The following GFM2 variants were observed in gnomAD, a reference collection of about 807,000 sequenced individuals.
The protein encoded by GFM2 is ribosome-releasing factor 2, mitochondrial.
A neutral mutation model predicts 95.4 loss-of-function variants in GFM2; 72 were observed. The observed-to-expected ratio is 0.76, with a 90% CI of 0.62 to 0.92. The LOEUF (loss-of-function observed/expected upper bound fraction) is 0.92, where lower values mean the gene tolerates loss of function less well. GFM2 is among the 40% of genes least tolerant of loss of function. The pLI is 0.00. For missense variants in GFM2, 825 were observed against 924.1 expected (o/e 0.89, Z 1.39); for synonymous variants, 276 against 317.5 (o/e 0.87, Z 1.39).
At chr5:74,727,703 ATTTCC>A (rs1461648219) in intron 17 of GFM2, among the ~76,000 whole-genome samples, 1 of 151,932 alleles carries the variant, frequency 6.6e-6, no homozygotes, top group Non-Finnish European at 1.5e-5. Flanking sequence ...TTTTTTGACC[ATTTCC>A]TCTCTCACAC....
chr5:74,721,867 G>A, intron 20 of GFM2, 84 bp from the exon 21 acceptor site: 1 of 1,349,062 alleles, frequency 7.4e-7, no homozygotes, highest in Non-Finnish European at 1.0e-6. Context: ...TGACTATTAG[G>A]GAAAAGTGAT....
rs1207512010 is a variant in GFM2, at chr5:74,722,515, A to G, written c.2075T>C (p.Leu692Pro). The change falls in exon 20 of 21, where the codon CTT becomes CCT. Residue 692 changes from leucine (L) to proline (P), a missense_variant. Leu to Pro is a moderately conservative substitution (Grantham distance 98). Coordinates refer to ENST00000296805, the MANE Select transcript of GFM2 (RefSeq NM_032380.5). Reference sequence around the variant, plus strand: ...ATAATCTCTAGCTACTGTAACCTCAAGATTCATCAGAGGCTCCAAAACTTG... The same window carrying G: ...ATAATCTCTAGCTACTGTAACCTCAGGATTCATCAGAGGCTCCAAAACTTG... Reference protein sequence around the residue: ...DKQVLEPLMNLEVTVARDYLS... With the variant: ...DKQVLEPLMNPEVTVARDYLS... 1.9e-6 allele frequency: 3 copies of G among 1,613,962 alleles called. No individual in the cohort carries two copies. Among genetic ancestry groups the G allele is most frequent in the South Asian group, 1.1e-5 (1 of 91,050 alleles).
In GFM2 at chr5:74,730,358, A is replaced by G; in HGVS notation, c.1628T>C (p.Ile543Thr). 5 of 1,612,174 alleles carry G rather than the reference A, an allele frequency of 3.1e-6. No individual in the cohort carries two copies. The highest frequency in any genetic ancestry group is 4.2e-6 in the Non-Finnish European group (5 of 1,178,376). ...ATATTCCCTCTTGATTCGATCATGA[A>G]TAATCTCTATATGTAACTCCCCCAT... The part of the protein sequence containing the change: ...CGMGELHIEI[I>T]HDRIKREYGL... The change falls in exon 17 of 21, where the codon ATT (isoleucine) becomes ACT (threonine). Residue 543 changes from isoleucine to threonine, a missense_variant. Coordinates refer to ENST00000296805, the MANE Select transcript of GFM2 (RefSeq NM_032380.5).
intron 15 of GFM2, chr5:74,733,311 C>T (rs1426339926): frequency 2.3e-5 from 8 of 348,310 alleles, no homozygotes; most frequent in Admixed American, 4.5e-5. Context: ...GGCAACATGG[C>T]GAAACCCCGT....
chr5:74,731,662 A>T (rs1561239263), intron 16 of GFM2, among the ~76,000 whole-genome samples: 1 of 152,226 alleles, frequency 6.6e-6, no homozygotes. Flanking sequence ...ACTTTAAGTT[A>T]AAAAGTGAAC....
chr5:74,732,128 A>ATTTTTTTTT (rs533165001), intron 16 of GFM2, among the ~76,000 whole-genome samples: 16 of 85,436 alleles, frequency 1.9e-4, no homozygotes, highest in African/African-American at 3.3e-4. Flanking sequence ...CTAATTTTTA[A>ATTTTTTTTT]TTTTTTTTTT....
At chr5:74,727,058 C>T (rs1291841780) in intron 17 of GFM2, among the ~76,000 whole-genome samples, 1 of 152,084 alleles carries the variant, frequency 6.6e-6, no homozygotes, top group African/African-American at 2.4e-5. Context: ...GTCCTAGCTA[C>T]TTGGGAGACT....
intron 7 of GFM2, among the ~76,000 whole-genome samples, chr5:74,749,994 T>C (rs1024665100): frequency 1.3e-5 from 2 of 152,156 alleles, no homozygotes; most frequent in Non-Finnish European, 2.9e-5. Context: ...AGGGTGAATA[T>C]CATAAATTTT....
intron 4 of GFM2, 53 bp downstream of exon 4, chr5:74,759,316 T>C: frequency 9.6e-7 from 1 of 1,046,006 alleles, no homozygotes. Context: ...AGAAAAAACC[T>C]GTAAATTTTC....
Position 74,721,312 on chromosome 5 carries a change from AT to A in GFM2, c.*342del. The A allele has an allele frequency of 1.2e-6, 1 of 811,958 alleles. No homozygotes were observed. The highest frequency in any genetic ancestry group is 2.1e-6 in the Non-Finnish European group (1 of 472,808). 50.3% of individuals were successfully genotyped at this position (811,958 alleles called of 1,614,324 possible). ...AACCTTTGACCCTCTATCTTATTAC[AT>A]TTAGAGGCCTGGCATCTTTCTTGTG... On this transcript the variant is annotated 3_prime_UTR_variant, in exon 21 of 21. Coordinates refer to ENST00000296805, the MANE Select transcript of GFM2 (RefSeq NM_032380.5).
At position 74,766,637 on chromosome 5, in the gene GFM2, C is replaced by T. The variant is rs1744633388; in HGVS notation, c.-25+301G>A. Among the ~76,000 whole-genome samples the T allele has an allele frequency of 2.0e-5, 3 of 152,330 alleles. No homozygotes were observed. The South Asian group carries it at 6.2e-4, about 32-fold the overall frequency. On this transcript the variant is annotated intron_variant, in intron 1 of 20. Coordinates refer to ENST00000296805, the MANE Select transcript of GFM2 (RefSeq NM_032380.5). The stretch of plus-strand genomic sequence containing the variant: ...CTCCAAAAAACCAGAATGTTATCTT[C>T]TTCTTTTCTAACAGCTGCAAAGCCC...
rs774544255 is a variant in GFM2 at position 74,747,792 on chromosome 5, A to G, written c.520-12T>C. The G allele has an allele frequency of 6.6e-7, 1 of 1,518,156 alleles. No individual in the cohort carries two copies. The highest frequency in any genetic ancestry group is 9.1e-7 in the Non-Finnish European group (1 of 1,097,280). 94.0% of individuals were successfully genotyped at this position (1,518,156 alleles called of 1,614,324 possible). On this transcript the variant is annotated splice_polypyrimidine_tract_variant and intron_variant, in intron 7 of 20. Transcript: ENST00000296805. Reference sequence around the variant, plus strand: ...GTGAGAGTCTGGGCCTAAAGCAAAGATGAGGAAAAAAATACATACTGAACA... The same window carrying G: ...GTGAGAGTCTGGGCCTAAAGCAAAGGTGAGGAAAAAAATACATACTGAACA...
In GFM2 at chr5:74,721,330, T is replaced by C. The variant is rs1341836279; in HGVS notation, c.*325A>G. ...TTATTACATTTAGAGGCCTGGCATC[T>C]TTCTTGTGAGACAAGCTTAAGGACA... is the stretch of plus-strand genomic sequence containing the variant. On this transcript the variant is annotated 3_prime_UTR_variant, in exon 21 of 21. Coordinates refer to ENST00000296805, the MANE Select transcript of GFM2 (RefSeq NM_032380.5). 1.3e-6 allele frequency: 1 copy of C among 775,312 alleles called. No homozygotes were observed. The highest frequency in any genetic ancestry group is 2.0e-5 in the Admixed American group (1 of 50,138). 48.0% of individuals were successfully genotyped at this position (775,312 alleles called of 1,614,324 possible).
At chr5:74,754,592 A>G (rs1249958933) in intron 5 of GFM2, among the ~76,000 whole-genome samples, 1 of 149,492 alleles carries the variant, frequency 6.7e-6, no homozygotes, top group African/African-American at 2.5e-5. Flanking sequence ...ATCTTTAAAG[A>G]AGCAGCAGTT....
intron 15 of GFM2, 55 bp from the exon 16 acceptor site, chr5:74,733,153 A>G: frequency 1.5e-6 from 2 of 1,295,004 alleles, no homozygotes; most frequent in Non-Finnish European, 2.2e-6. Flanking sequence ...AATTTATTAT[A>G]TGTTCTAGTG....
At chr5:74,744,436 AT>A (rs1292247964) in intron 10 of GFM2, among the ~76,000 whole-genome samples, 1 of 152,110 alleles carries the variant, frequency 6.6e-6, no homozygotes, top group Non-Finnish European at 1.5e-5. Flanking sequence ...GACCAATTCA[AT>A]TTAGAAGTGA....
Position 74,730,278 on chromosome 5 carries a change from T to C in GFM2, c.1708A>G (p.Asn570Asp), listed in dbSNP as rs1742486736. 1 of 1,608,712 alleles carries C rather than the reference T, an allele frequency of 6.2e-7. No homozygotes were observed. The highest frequency in any genetic ancestry group is 8.5e-7 in the Non-Finnish European group (1 of 1,178,684). ...LQVAYRETIL[N>D]SVRATDTLDR... ...TTTTTACCTGTGGCACGAACTGAGTTTAGGATGGTCTCTCGATATGCCACC... is the reference window on the plus strand; with the variant it reads ...TTTTTACCTGTGGCACGAACTGAGTCTAGGATGGTCTCTCGATATGCCACC... The change falls in exon 17 of 21, where the codon AAC becomes GAC. Residue 570 changes from asparagine to aspartate, a missense_variant. By Grantham distance (23) the Asn-to-Asp change is conservative. Coordinates refer to ENST00000296805, the MANE Select transcript of GFM2 (RefSeq NM_032380.5).
At chr5:74,722,313 A>C (rs1374657690) in intron 20 of GFM2, 66 bp downstream of exon 20, 1 of 1,238,962 alleles carries the variant, frequency 8.1e-7, no homozygotes, top group Non-Finnish European at 1.2e-6. Flanking sequence ...CTGATTGTCT[A>C]TTCATTGGCA....
At chr5:74,742,432 TC>T (rs907768455) in intron 10 of GFM2, among the ~76,000 whole-genome samples, 3 of 152,170 alleles carry the variant, frequency 2.0e-5, no homozygotes, top group Non-Finnish European at 4.4e-5. Context: ...ATTTCACCTC[TC>T]TGCCTTAGTA....
Sources: allele counts gnomAD v4.1 joint callset (sites outside exome capture counted in the v4.1 genomes callset), GRCh38; gene constraint gnomAD v4.1.1; transcripts MANE v1.5; gene names NCBI Gene and HGNC (gene_info 2026-07-23, HGNC 2026-07-21).